Variants in ADAMTS17 observed in about 807,000 individuals in gnomAD.
ADAMTS17 encodes the protein ADAM metallopeptidase with thrombospondin type 1 motif 17, also known as A disintegrin and metalloproteinase with thrombospondin motifs 17.
In ADAMTS17, 113 loss-of-function variants were observed where a neutral mutation model predicts 141.5. The observed-to-expected ratio is 0.80, with a 90% CI of 0.69 to 0.93. The LOEUF is 0.93. Among genes scored for constraint, ADAMTS17 ranks in the 40% least tolerant of loss-of-function variants. The pLI is 0.00. For synonymous variants in ADAMTS17, 768 were observed against 630.6 expected (o/e 1.22, Z -3.27); for missense variants, 1,659 against 1,517.9 (o/e 1.09, Z -1.54).
At chr15:100,273,139 T>G (rs1191580052) in intron 4 of ADAMTS17, among the ~76,000 whole-genome samples, 1 of 152,172 alleles carries the variant, frequency 6.6e-6, no homozygotes, top group Admixed American at 6.5e-5. Context: ...TTTGAACTAT[T>G]GTTTTCTTAT....
chr15:100,190,530 C>T (rs896411664), intron 8 of ADAMTS17, among the ~76,000 whole-genome samples: 1 of 152,194 alleles, frequency 6.6e-6, no homozygotes, highest in African/African-American at 2.4e-5. Context: ...GGCCTGTCCA[C>T]TACAGGAGAG....
At chr15:100,334,378 G>T (rs1052405191) in intron 2 of ADAMTS17, among the ~76,000 whole-genome samples, 10 of 152,220 alleles carry the variant, frequency 6.6e-5, no homozygotes, top group Non-Finnish European at 1.3e-4. Context: ...TTCTTCAGGA[G>T]TCTGCAGCTC....
intron 7 of ADAMTS17, among the ~76,000 whole-genome samples, chr15:100,225,519 G>T (rs1168045476): frequency 6.7e-6 from 1 of 150,242 alleles, no homozygotes; most frequent in Admixed American, 6.6e-5. Flanking sequence ...CAGCAGTCAC[G>T]GCCTCTGTGC....
chr15:100,335,055 C>T (rs1263892457), intron 2 of ADAMTS17, among the ~76,000 whole-genome samples: 2 of 152,086 alleles, frequency 1.3e-5, no homozygotes, highest in South Asian at 2.1e-4. Context: ...CCTCAGAGTG[C>T]CCTCCCAGGA....
chr15:100,284,291 G>A (rs539814298), intron 3 of ADAMTS17, among the ~76,000 whole-genome samples: 2 of 152,296 alleles, frequency 1.3e-5, no homozygotes, highest in South Asian at 2.1e-4. Context: ...ACAGGTAAAC[G>A]GGCAGGTGCG....
rs377387249 is a variant in ADAMTS17 at position 99,997,560 on chromosome 15, G to A, written c.2621C>T (p.Ser874Leu). Reference sequence around the variant, plus strand: ...CTGGAAGCCTTTCTCACAGGTCGCCGAGCAGGGGCTCCACGGGCCTGCCAC... The same window carrying A: ...CTGGAAGCCTTTCTCACAGGTCGCCAAGCAGGGGCTCCACGGGCCTGCCAC... Reference protein sequence around the residue: ...RWVAGPWSPCSATCEKGFQHR... With the variant: ...RWVAGPWSPCLATCEKGFQHR... Residue 874 changes from serine to leucine, a missense_variant, in exon 19 of 22, where the codon TCG (serine) becomes TTG (leucine). By Grantham distance (145) the Ser-to-Leu change is moderately radical. Transcript: ENST00000268070. The surrounding 1 kb of genome is among the most constrained non-coding windows in gnomAD (Gnocchi z 4.7). 9.3e-6 allele frequency: 15 copies of A among 1,613,338 alleles called. No individual in the cohort carries two copies. In the African/African-American group the frequency reaches 9.3e-5, roughly 10 times the overall value.
intron 10 of ADAMTS17, among the ~76,000 whole-genome samples, chr15:100,134,111 T>G (rs182666678): frequency 1.3e-5 from 2 of 152,290 alleles, no homozygotes; most frequent in African/African-American, 4.8e-5. Context: ...AGGAACCACA[T>G]GCAGACAGTG....
intron 16 of ADAMTS17, among the ~76,000 whole-genome samples, chr15:100,053,653 G>A (rs559739400): frequency 1.3e-5 from 2 of 152,168 alleles, no homozygotes; most frequent in African/African-American, 4.8e-5. Context: ...GAAAAAGATA[G>A]GAGCTCGGCC....
chr15:100,081,932 A>G (rs186223094), intron 15 of ADAMTS17, among the ~76,000 whole-genome samples: 1 of 152,350 alleles, frequency 6.6e-6, no homozygotes, highest in East Asian at 1.9e-4. Context: ...ATGATGCAGT[A>G]GTTTAAAAAA....
At chr15:100,110,022 G>A (rs1435001491) in intron 13 of ADAMTS17, among the ~76,000 whole-genome samples, 6 of 151,890 alleles carry the variant, frequency 4.0e-5, no homozygotes, top group African/African-American at 9.7e-5. Context: ...AGGTCCCATC[G>A]CTAAAAGAGT....
chr15:100,184,570 T>C (rs577857302), intron 8 of ADAMTS17, among the ~76,000 whole-genome samples: 4 of 152,330 alleles, frequency 2.6e-5, no homozygotes, highest in Non-Finnish European at 5.9e-5. Flanking sequence ...AAATGATGTG[T>C]GGCAAAGCTA....
At chr15:100,162,635 T>C (rs1166834345) in intron 8 of ADAMTS17, among the ~76,000 whole-genome samples, 1 of 5,390 alleles carries the variant, frequency 1.9e-4, no homozygotes, top group African/African-American at 9.6e-4. Context: ...ATTATATGTG[T>C]ATATATATGC....
rs543185774 is a variant in ADAMTS17, at chr15:100,201,581, G to A, written c.1076-2158C>T. On this transcript the variant is annotated intron_variant, in intron 7 of 21. Coordinates refer to ENST00000268070, the MANE Select transcript of ADAMTS17 (RefSeq NM_139057.4). ...TCACATGGCCTGGCTCCGCAGAGGT[G>A]CGGCTCCAGGGCTCATGTTTCACAC... is the stretch of plus-strand genomic sequence containing the variant. Among the ~76,000 whole-genome samples, 166 of 152,348 alleles carry A rather than the reference G, an allele frequency of 1.1e-3. 1 individual carries two copies. Among genetic ancestry groups the A allele is most frequent in the African/African-American group, 3.7e-3 (155 of 41,578 alleles).
intron 2 of ADAMTS17, among the ~76,000 whole-genome samples, chr15:100,335,677 C>T (rs1015873539): frequency 6.6e-6 from 1 of 152,146 alleles, no homozygotes; most frequent in African/African-American, 2.4e-5. Flanking sequence ...GCAGGAGAAG[C>T]GGCCTGTTTT....
At chr15:100,156,366 C>G (rs2039435417) in intron 8 of ADAMTS17, among the ~76,000 whole-genome samples, 2 of 152,170 alleles carry the variant, frequency 1.3e-5, no homozygotes, top group African/African-American at 2.4e-5. Flanking sequence ...ACCCCCACAC[C>G]CTTTTGCCTA....
intron 13 of ADAMTS17, among the ~76,000 whole-genome samples, chr15:100,114,329 G>A (rs2036980250): frequency 6.6e-6 from 1 of 152,106 alleles, no homozygotes; most frequent in African/African-American, 2.4e-5. Context: ...CACAGGAAAC[G>A]TTCCTATCAC....
intron 3 of ADAMTS17, among the ~76,000 whole-genome samples, chr15:100,317,846 T>C (rs543946133): frequency 2.6e-5 from 4 of 152,320 alleles, no homozygotes; most frequent in Non-Finnish European, 4.4e-5. Flanking sequence ...ATTCCTGGTT[T>C]AGTTTCTGAA....
chr15:100,167,889 T>C (rs1342642064), intron 8 of ADAMTS17, among the ~76,000 whole-genome samples: 2 of 152,300 alleles, frequency 1.3e-5, no homozygotes, highest in South Asian at 2.1e-4. Flanking sequence ...AAACTACCCA[T>C]GCACGTGATG....
intron 19 of ADAMTS17, among the ~76,000 whole-genome samples, chr15:99,994,766 C>T (rs192733897): frequency 6.6e-6 from 1 of 152,258 alleles, no homozygotes; most frequent in East Asian, 1.9e-4. Flanking sequence ...AGGGTTTCAC[C>T]ATGTTAGCCA....
Sources: gnomAD v4.1 joint callset for allele counts (sites outside exome capture counted in the v4.1 genomes callset) on GRCh38, gnomAD v4.1.1 for gene constraint, Gnocchi (gnomAD v3.1) non-coding constraint, MANE v1.5 for transcripts, NCBI Gene and HGNC (gene_info 2026-07-23, HGNC 2026-07-21) for gene names.